Variants in TMEM114 observed in about 807,000 individuals in gnomAD.
TMEM114 encodes the protein transmembrane protein 114.
A neutral mutation model predicts 6.2 loss-of-function variants in TMEM114; 6 were observed. The ratio of observed to expected loss-of-function variants is 0.97; its 90% CI spans 0.53 to 1.91. The LOEUF (loss-of-function observed/expected upper bound fraction) is 1.91, where lower values mean the gene tolerates loss of function less well. Among genes scored for constraint, TMEM114 ranks in the 40% most tolerant of loss-of-function variants. TMEM114 has a pLI of 0.01. For synonymous variants in TMEM114, 104 were observed against 73.0 expected (o/e 1.42, Z -2.16); for missense variants, 218 against 158.3 (o/e 1.38, Z -2.02).
downstream of TMEM114, among the ~76,000 whole-genome samples, chr16:8,564,810 TGAATGAGTGAGTGAGTGATGGAGG>T (rs1211629052): frequency 2.8e-5 from 4 of 143,048 alleles, no homozygotes; most frequent in Non-Finnish European, 6.3e-5. Context: ...AATGAGTGAG[TGAATGAGTGAGTGAGTGATGGAGG>T]GAATGAGTGA....
the TMEM114 span, among the ~76,000 whole-genome samples, chr16:8,532,549 C>G: frequency 1.3e-5 from 2 of 152,138 alleles, no homozygotes. Flanking sequence ...TTCTAGGGGT[C>G]CATTAAAGAG....
chr16:8,556,760 C>A (rs907818564), intron 2 of TMEM114, among the ~76,000 whole-genome samples: 1 of 152,216 alleles, frequency 6.6e-6, no homozygotes, highest in Non-Finnish European at 1.5e-5. Context: ...GCCTCAGCCT[C>A]CCAAAGTGCC....
downstream of TMEM114, among the ~76,000 whole-genome samples, chr16:8,568,373 T>C (rs1205063194): frequency 1.3e-5 from 2 of 151,220 alleles, no homozygotes; most frequent in Non-Finnish European, 2.9e-5. Flanking sequence ...TGCATAGATG[T>C]GGATGTCAGC....
intron 2 of TMEM114, among the ~76,000 whole-genome samples, chr16:8,582,919 A>AGCAGGGAAGG (rs1172667966): frequency 4.0e-5 from 6 of 151,268 alleles, no homozygotes; most frequent in Admixed American, 6.6e-5. Context: ...GGCAGGGAAG[A>AGCAGGGAAGG]GCAGGGAAGG....
the TMEM114 span, chr16:8,526,695 C>T: frequency 6.6e-6 from 1 of 152,098 alleles, no homozygotes; most frequent in African/African-American, 2.4e-5. Flanking sequence ...AACAGGGAGA[C>T]AATTAAACAT....
In TMEM114 at chr16:8,590,044, C is replaced by G. The variant is rs942726120; in HGVS notation, c.-206G>C. On this transcript the variant is annotated 5_prime_UTR_variant, in exon 1 of 4. Coordinates refer to ENST00000620492, the MANE Select transcript of TMEM114 (RefSeq NM_001146336.2). ...CCTGCCGGCTCCGACCTGCACGCGC[C>G]CCCCGCTCAGCCGCCGTCCACGTTC... 6.7e-4 allele frequency: 254 copies of G among 379,652 alleles called. No individual in the cohort carries two copies. Among genetic ancestry groups the G allele is most frequent in the African/African-American group, 4.8e-3 (231 of 47,912 alleles). The allele number at this position is 379,652 out of a possible 1,614,324, so 23.5% of individuals were successfully genotyped here.
intron 2 of TMEM114, among the ~76,000 whole-genome samples, chr16:8,559,300 C>T (rs575663014): frequency 6.6e-6 from 1 of 152,226 alleles, no homozygotes; most frequent in African/African-American, 2.4e-5. Context: ...ACCTCAGCCT[C>T]CCAAAACGCT....
intron 2 of TMEM114, among the ~76,000 whole-genome samples, chr16:8,557,865 A>G (rs1427744081): frequency 3.9e-5 from 6 of 152,226 alleles, no homozygotes; most frequent in Admixed American, 2.0e-4. Flanking sequence ...TAGTGACTTT[A>G]GTAACTTCTT....
At chr16:8,531,188 G>T in the TMEM114 span, among the ~76,000 whole-genome samples, 9 of 152,350 alleles carry the variant, frequency 5.9e-5, no homozygotes, top group Admixed American at 4.6e-4. Context: ...CACAGTGCTA[G>T]TGTGCTGTTT....
At chr16:8,565,836 G>C (rs1239790047), downstream of TMEM114, among the ~76,000 whole-genome samples, 1 of 152,158 alleles carries the variant, frequency 6.6e-6, no homozygotes, top group Non-Finnish European at 1.5e-5. Flanking sequence ...TGGCTCCATT[G>C]GGGCCCCAGT....
At chr16:8,549,627 G>A (rs917955040) in intron 2 of TMEM114, among the ~76,000 whole-genome samples, 5 of 151,540 alleles carry the variant, frequency 3.3e-5, no homozygotes, top group Admixed American at 6.6e-5. Flanking sequence ...GTTTTCCTTC[G>A]TGTGTGTGTG....
At chr16:8,583,546 A>G (rs1902222063) in intron 2 of TMEM114, among the ~76,000 whole-genome samples, 2 of 152,030 alleles carry the variant, frequency 1.3e-5, no homozygotes, top group Admixed American at 6.6e-5. Flanking sequence ...GGAGTTTCAG[A>G]CCAGCCTGGG....
rs4486871 is a variant in TMEM114 at position 8,542,145 on chromosome 16, G to C, written n.213-4319C>G. ...TTGAGATGTTGAGGATGATTCGTGG[G>C]GGGGGGTCCCTTGACCAAGGAGGAT... On this transcript the variant is annotated intron_variant and non_coding_transcript_variant, in intron 2 of 2. Coordinates refer to the TMEM114 transcript ENST00000623677. Among the ~76,000 whole-genome samples, 371 of 150,732 alleles carry C rather than the reference G, an allele frequency of 2.5e-3. 2 individuals carry two copies. Among genetic ancestry groups the C allele is most frequent in the African/African-American group, 6.0e-3 (248 of 41,332 alleles).
chr16:8,584,149 G>A (rs555928104), intron 2 of TMEM114, among the ~76,000 whole-genome samples: 1 of 152,302 alleles, frequency 6.6e-6, no homozygotes, highest in African/African-American at 2.4e-5. Context: ...AGAAAGCAAA[G>A]CCCAAAAAGA....
chr16:8,527,345 T>C, the TMEM114 span, among the ~76,000 whole-genome samples: 1 of 152,226 alleles, frequency 6.6e-6, no homozygotes, highest in Non-Finnish European at 1.5e-5. Flanking sequence ...ACCCCAGCTT[T>C]GGTGTCAGGG....
At chr16:8,575,926 C>T (rs1218190694) in intron 2 of TMEM114, among the ~76,000 whole-genome samples, 1 of 152,194 alleles carries the variant, frequency 6.6e-6, no homozygotes, top group Non-Finnish European at 1.5e-5. Context: ...TCCCATTCAT[C>T]AACAAGCCTC....
At chr16:8,570,046 C>T in intron 3 of TMEM114, 41 bp from the exon 4 acceptor site, 6 of 1,519,662 alleles carry the variant, frequency 3.9e-6, no homozygotes, top group Non-Finnish European at 5.3e-6. Flanking sequence ...ATCCCCCACC[C>T]CGCCCCAGCA....
chr16:8,562,203 A>C (rs1447965295), intron 2 of TMEM114, among the ~76,000 whole-genome samples: 1 of 150,716 alleles, frequency 6.6e-6, no homozygotes, highest in African/African-American at 2.5e-5. Flanking sequence ...TGAATGAGTC[A>C]GTGAATGAGT....
intron 2 of TMEM114, among the ~76,000 whole-genome samples, chr16:8,564,284 A>T (rs1300065416): frequency 1.5e-5 from 2 of 133,552 alleles, no homozygotes; most frequent in African/African-American, 2.9e-5. Context: ...TGAATGAGTG[A>T]TGAAATAAGT....
Sources: gnomAD v4.1 joint callset for allele counts (sites outside exome capture counted in the v4.1 genomes callset) on GRCh38, gnomAD v4.1.1 for gene constraint, MANE v1.5 for transcripts, NCBI Gene and HGNC (gene_info 2026-07-23, HGNC 2026-07-21) for gene names.